Variants in AOPEP observed in about 807,000 individuals in gnomAD.
AOPEP encodes aminopeptidase O.
AOPEP carries 77 observed loss-of-function variants against 98.1 expected under a neutral mutation model. That is an observed-to-expected ratio of 0.78 (90% CI 0.65 to 0.95). The LOEUF (loss-of-function observed/expected upper bound fraction) is 0.95. Ranked by LOEUF, AOPEP falls within the 40% of genes least tolerant of loss-of-function variation. AOPEP has a pLI of 0.00. For synonymous variants in AOPEP, 346 were observed against 365.3 expected (o/e 0.95, Z 0.60); for missense variants, 1,024 against 1,024.7 (o/e 1.00, Z 0.01).
chr9:94,781,512 T>G (rs1387428490), intron 3 of AOPEP, among the ~76,000 whole-genome samples: 2 of 151,536 alleles, frequency 1.3e-5, no homozygotes, highest in Non-Finnish European at 2.9e-5. Context: ...ATTGGTTTAG[T>G]ACATTATTAT....
At chr9:95,054,424 G>A (rs58902218) in intron 13 of AOPEP, among the ~76,000 whole-genome samples, 1 of 152,196 alleles carries the variant, frequency 6.6e-6, no homozygotes, top group African/African-American at 2.4e-5. Context: ...AGATCCAGTT[G>A]ACCAGAGGAT....
At chr9:94,838,258 C>T (rs2041861988) in intron 5 of AOPEP, among the ~76,000 whole-genome samples, 1 of 152,190 alleles carries the variant, frequency 6.6e-6, no homozygotes, top group South Asian at 2.1e-4. Context: ...ATCTGCCTGC[C>T]TCGGCCTCCC....
the AOPEP span, among the ~76,000 whole-genome samples, chr9:95,124,362 T>C: frequency 6.6e-6 from 1 of 152,142 alleles, no homozygotes; most frequent in Admixed American, 6.5e-5. Flanking sequence ...ATATATATGC[T>C]GAAAGGTGAA....
intron 5 of AOPEP, among the ~76,000 whole-genome samples, chr9:94,883,688 G>C (rs1588692294): frequency 6.6e-6 from 1 of 152,202 alleles, no homozygotes; most frequent in Non-Finnish European, 1.5e-5. Context: ...GAGTAATAAA[G>C]TTCTAAGAAT....
chr9:95,011,879 T>C (rs1316593258), intron 13 of AOPEP, among the ~76,000 whole-genome samples: 1 of 152,168 alleles, frequency 6.6e-6, no homozygotes, highest in Non-Finnish European at 1.5e-5. Context: ...CAAAATTCCT[T>C]CCCGTTTTTA....
downstream of AOPEP, among the ~76,000 whole-genome samples, chr9:95,087,631 T>G (rs1186964117): frequency 6.6e-6 from 1 of 152,028 alleles, no homozygotes; most frequent in African/African-American, 2.4e-5. Context: ...GTAATTTGGC[T>G]GCGCGTGGGG....
chr9:95,017,034 G>A (rs964976565), intron 13 of AOPEP, among the ~76,000 whole-genome samples: 9 of 150,580 alleles, frequency 6.0e-5, no homozygotes, highest in Admixed American at 6.0e-4. Flanking sequence ...ATAAAATGTG[G>A]CAATTTTCTA....
the AOPEP span, chr9:95,110,873 G>C: frequency 8.3e-7 from 1 of 1,203,106 alleles, no homozygotes; most frequent in Non-Finnish European, 1.0e-6. Context: ...CTTTGCCACA[G>C]ACAGTTATCC....
chr9:95,140,080 A>G, the AOPEP span, among the ~76,000 whole-genome samples: 1 of 152,160 alleles, frequency 6.6e-6, no homozygotes, highest in South Asian at 2.1e-4. Context: ...GACTCCCCCA[A>G]ATCCCTACCT....
chr9:94,743,464 A>G (rs1197554905), intron 1 of AOPEP, among the ~76,000 whole-genome samples: 1 of 152,262 alleles, frequency 6.6e-6, no homozygotes, highest in East Asian at 1.9e-4. Flanking sequence ...CAACAGTTTA[A>G]GAAATATGCA....
At chr9:94,970,671 G>A (rs1281409712) in intron 10 of AOPEP, among the ~76,000 whole-genome samples, 5 of 151,154 alleles carry the variant, frequency 3.3e-5, no homozygotes, top group Non-Finnish European at 5.9e-5. Flanking sequence ...CTTGTTTTGG[G>A]AGGTCTGAAA....
intron 13 of AOPEP, among the ~76,000 whole-genome samples, chr9:95,038,033 C>T (rs1230994415): frequency 2.0e-5 from 3 of 152,088 alleles, no homozygotes; most frequent in Non-Finnish European, 2.9e-5. Context: ...GCTGTCTGTC[C>T]GTCCATGCTC....
At chr9:95,113,757 G>A in the AOPEP span, 1 of 151,912 alleles carries the variant, frequency 6.6e-6, no homozygotes, top group African/African-American at 2.4e-5. Flanking sequence ...CGAGTAGCTG[G>A]GACTACAGGC....
At chr9:95,017,272 T>TGTGGTGATTTCATC (rs1468497134) in intron 13 of AOPEP, among the ~76,000 whole-genome samples, 1 of 152,114 alleles carries the variant, frequency 6.6e-6, no homozygotes, top group East Asian at 1.9e-4. Flanking sequence ...AAATGCTTCA[T>TGTGGTGATTTCATC]GTGGTGATTT....
chr9:95,136,861 C>T, the AOPEP span, among the ~76,000 whole-genome samples: 1 of 152,184 alleles, frequency 6.6e-6, no homozygotes, highest in South Asian at 2.1e-4. Flanking sequence ...TGAATTGGGG[C>T]TCCACTTCCC....
At chr9:95,024,128 T>C (rs1242609257) in intron 13 of AOPEP, among the ~76,000 whole-genome samples, 1 of 152,206 alleles carries the variant, frequency 6.6e-6, no homozygotes, top group Non-Finnish European at 1.5e-5. Flanking sequence ...TCGGATAATT[T>C]TCATGTCAAA....
At chr9:94,816,017 G>C (rs562053114) in intron 5 of AOPEP, among the ~76,000 whole-genome samples, 1 of 152,244 alleles carries the variant, frequency 6.6e-6, no homozygotes. Flanking sequence ...TCAGTACTGA[G>C]GTGAGTGTTA....
intron 5 of AOPEP, among the ~76,000 whole-genome samples, chr9:94,890,550 T>C (rs902656899): frequency 8.5e-5 from 13 of 152,236 alleles, no homozygotes; most frequent in Admixed American, 3.3e-4. Flanking sequence ...TCCTTCTGTT[T>C]GCTGTGGGTT....
intron 1 of AOPEP, among the ~76,000 whole-genome samples, chr9:94,736,960 A>T (rs1176235704): frequency 6.6e-6 from 1 of 152,164 alleles, no homozygotes; most frequent in African/African-American, 2.4e-5. Context: ...TAAAGAGACT[A>T]CTCAGGCAAT....
Sources: allele counts gnomAD v4.1 joint callset (sites outside exome capture counted in the v4.1 genomes callset), GRCh38; gene constraint gnomAD v4.1.1; transcripts MANE v1.5; gene names NCBI Gene and HGNC (gene_info 2026-07-23, HGNC 2026-07-21).